MAP2K4: variants seen among roughly 807,000 people sequenced by gnomAD.
MAP2K4 encodes the protein dual specificity mitogen-activated protein kinase kinase 4.
MAP2K4 carries 4 observed loss-of-function variants against 48.5 expected under a neutral mutation model. That is an observed-to-expected ratio of 0.08 (90% CI 0.04 to 0.19). MAP2K4 has a LOEUF of 0.19. MAP2K4 is among the 10% of genes least tolerant of loss of function. The pLI is 1.00. For synonymous variants in MAP2K4, 166 were observed against 173.1 expected (o/e 0.96, Z 0.32); for missense variants, 258 against 493.3 (o/e 0.52, Z 4.52).
At chr17:12,045,490 T>C (rs1241889324) in intron 1 of MAP2K4, among the ~76,000 whole-genome samples, 1 of 152,210 alleles carries the variant, frequency 6.6e-6, no homozygotes, top group African/African-American at 2.4e-5. Context: ...CTCTGGGATA[T>C]AGATGGAAAT....
intron 3 of MAP2K4, among the ~76,000 whole-genome samples, chr17:12,091,510 A>G (rs1039815939): frequency 1.3e-5 from 2 of 152,242 alleles, no homozygotes; most frequent in East Asian, 3.8e-4. Flanking sequence ...TGGCTGATCC[A>G]ACCAATGGCA....
chr17:12,132,877 A>C (rs1973075910), intron 9 of MAP2K4, among the ~76,000 whole-genome samples: 1 of 152,186 alleles, frequency 6.6e-6, no homozygotes, highest in South Asian at 2.1e-4. Context: ...CATATTAGCC[A>C]TGTAGGTAAC....
intron 1 of MAP2K4, among the ~76,000 whole-genome samples, chr17:12,024,701 T>C (rs1262012601): frequency 6.6e-6 from 1 of 152,194 alleles, no homozygotes; most frequent in Non-Finnish European, 1.5e-5. Flanking sequence ...TTTGTTAATG[T>C]AGATAGATTT....
intron 4 of MAP2K4, among the ~76,000 whole-genome samples, chr17:12,099,214 A>C (rs1443775551): frequency 1.4e-5 from 2 of 139,710 alleles, no homozygotes; most frequent in African/African-American, 2.7e-5. Context: ...GTGTTGCTAC[A>C]AAAAAAAAAA....
At chr17:12,110,520 C>T in intron 6 of MAP2K4, 94 bp downstream of exon 6, 7 of 863,540 alleles carry the variant, frequency 8.1e-6, no homozygotes, top group Non-Finnish European at 1.3e-5. Flanking sequence ...ACTGTATAAA[C>T]TTTCCTAAAA....
chr17:12,066,205 G>T (rs1970612863), intron 2 of MAP2K4, among the ~76,000 whole-genome samples: 1 of 151,538 alleles, frequency 6.6e-6, no homozygotes, highest in South Asian at 2.1e-4. Context: ...TTATCATCCA[G>T]GTAGTTCATG....
chr17:12,075,971 T>G (rs1970985988), intron 2 of MAP2K4, among the ~76,000 whole-genome samples: 1 of 152,216 alleles, frequency 6.6e-6, no homozygotes, highest in South Asian at 2.1e-4. Flanking sequence ...CCTTTTTATC[T>G]TCTACCTTTG....
intron 7 of MAP2K4, among the ~76,000 whole-genome samples, chr17:12,119,704 G>A (rs1000974992): frequency 2.0e-5 from 3 of 152,156 alleles, no homozygotes; most frequent in Non-Finnish European, 4.4e-5. Flanking sequence ...TATGTTCATT[G>A]CAGCACTATT....
intron 2 of MAP2K4, among the ~76,000 whole-genome samples, chr17:12,064,762 G>C (rs1373165621): frequency 2.0e-5 from 3 of 152,166 alleles, no homozygotes; most frequent in Non-Finnish European, 4.4e-5. Flanking sequence ...GTAAGTGAAT[G>C]TTCATAGAAA....
chr17:12,130,747 T>A (rs1972994922), intron 9 of MAP2K4, among the ~76,000 whole-genome samples: 1 of 152,228 alleles, frequency 6.6e-6, no homozygotes, highest in African/African-American at 2.4e-5. Flanking sequence ...ATATTAGCTC[T>A]CCACATTTGT....
chr17:12,032,309 A>G (rs890648480), intron 1 of MAP2K4: 6 of 1,345,680 alleles, frequency 4.5e-6, no homozygotes, highest in South Asian at 3.4e-5. Context: ...GTAAGCTACA[A>G]ATTTTATGAT....
At chr17:12,088,540 A>C (rs1274087074) in intron 3 of MAP2K4, among the ~76,000 whole-genome samples, 1 of 70,504 alleles carries the variant, frequency 1.4e-5, no homozygotes, top group African/African-American at 3.5e-5. Flanking sequence ...ATATATATTA[A>C]ATTATATCTA....
In MAP2K4 at chr17:12,143,145, C is replaced by T. The variant is rs1056235463; in HGVS notation, c.*1885C>T. Reference sequence around the variant, plus strand: ...GGAGACATTGCTCTATGTCTGCCTTCGACCACAGCAAGCCATCATCCTCCA... The same window carrying T: ...GGAGACATTGCTCTATGTCTGCCTTTGACCACAGCAAGCCATCATCCTCCA... On this transcript the variant is annotated 3_prime_UTR_variant, in exon 11 of 11. Coordinates refer to ENST00000353533, the MANE Select transcript of MAP2K4 (RefSeq NM_003010.4). The T allele has an allele frequency of 3.0e-5, 7 of 232,888 alleles. No individual in the cohort carries two copies. Among genetic ancestry groups the T allele is most frequent in the African/African-American group, 1.3e-4 (6 of 45,308 alleles). 14.4% of individuals were successfully genotyped at this position (232,888 alleles called of 1,614,324 possible). A position where few individuals can be genotyped will look rare whatever the true frequency, so the allele number is the denominator to read the frequency against.
chr17:12,078,124 A>G (rs559869286), intron 2 of MAP2K4, among the ~76,000 whole-genome samples: 29 of 152,364 alleles, frequency 1.9e-4, no homozygotes, highest in Non-Finnish European at 2.1e-4. Context: ...TAGTTGGGAA[A>G]TGTAGCCTTT....
At chr17:12,058,056 T>C (rs891154727) in intron 2 of MAP2K4, among the ~76,000 whole-genome samples, 2 of 152,004 alleles carry the variant, frequency 1.3e-5, no homozygotes, top group Admixed American at 6.6e-5. Flanking sequence ...CTGTGAGTAT[T>C]TTGAGAGCTA....
At chr17:12,046,540 G>A (rs1439218328) in intron 1 of MAP2K4, among the ~76,000 whole-genome samples, 1 of 152,114 alleles carries the variant, frequency 6.6e-6, no homozygotes, top group Admixed American at 6.5e-5. Context: ...TAGACATCTG[G>A]CTCAGAGTCT....
intron 3 of MAP2K4, among the ~76,000 whole-genome samples, chr17:12,088,911 CTTTTT>C (rs5819350): frequency 7.8e-6 from 1 of 128,222 alleles, no homozygotes; most frequent in Non-Finnish European, 1.7e-5. Context: ...AATACAGATT[CTTTTT>C]TTTTTTTTTT....
At chr17:12,066,656 A>G (rs1970624997) in intron 2 of MAP2K4, among the ~76,000 whole-genome samples, 1 of 152,066 alleles carries the variant, frequency 6.6e-6, no homozygotes, top group South Asian at 2.1e-4. Flanking sequence ...CAGCCTCCCA[A>G]GAAGCTGGGT....
At chr17:12,139,723 A>T in intron 9 of MAP2K4, 116 bp from the exon 10 acceptor site, 1 of 679,468 alleles carries the variant, frequency 1.5e-6, no homozygotes, top group Non-Finnish European at 2.5e-6. Flanking sequence ...CTGCGTTGTT[A>T]CTTTGGATCT....
Sources: gnomAD v4.1 joint callset for allele counts (sites outside exome capture counted in the v4.1 genomes callset) on GRCh38, gnomAD v4.1.1 for gene constraint, MANE v1.5 for transcripts, NCBI Gene and HGNC (gene_info 2026-07-23, HGNC 2026-07-21) for gene names.